The following THSD7B variants were observed in gnomAD, a reference collection of about 807,000 sequenced individuals.
THSD7B encodes thrombospondin type-1 domain-containing protein 7B.
In THSD7B, 138 loss-of-function variants were observed where a neutral mutation model predicts 213.6. The observed-to-expected ratio is 0.65, with a 90% CI of 0.56 to 0.74. THSD7B has a LOEUF of 0.74. Ranked by LOEUF, THSD7B falls within the 30% of genes least tolerant of loss-of-function variation. The probability of loss-of-function intolerance (pLI) is 0.00; values close to 1 mark genes in which losing one functional copy is unlikely to be tolerated. For missense variants in THSD7B, 1,931 were observed against 1,991.5 expected (o/e 0.97, Z 0.58); for synonymous variants, 742 against 687.0 (o/e 1.08, Z -1.25).
intron 15 of THSD7B, among the ~76,000 whole-genome samples, chr2:137,460,548 G>A (rs189292178): frequency 6.1e-4 from 93 of 152,228 alleles, no homozygotes; most frequent in African/African-American, 2.1e-3. Flanking sequence ...CAGATGAATA[G>A]TAAAAGCTGT....
intron 12 of THSD7B, among the ~76,000 whole-genome samples, chr2:137,339,582 G>A (rs569701714): frequency 1.3e-5 from 2 of 151,852 alleles, no homozygotes; most frequent in South Asian, 2.1e-4. Context: ...TAAGGCAGCT[G>A]TTGTTCATAA....
intron 15 of THSD7B, among the ~76,000 whole-genome samples, chr2:137,466,286 C>T (rs1257213375): frequency 6.6e-6 from 1 of 152,160 alleles, no homozygotes; most frequent in Non-Finnish European, 1.5e-5. Context: ...ATTCATCACA[C>T]ACTTATTTTA....
At chr2:137,244,839 G>A (rs1410612101) in intron 10 of THSD7B, among the ~76,000 whole-genome samples, 1 of 152,034 alleles carries the variant, frequency 6.6e-6, no homozygotes, top group Non-Finnish European at 1.5e-5. Context: ...AAGTAACTAT[G>A]GGTTAATTAC....
At chr2:137,563,405 AT>A (rs1161215451) in intron 16 of THSD7B, 51 bp downstream of exon 16, 14 of 1,599,004 alleles carry the variant, frequency 8.8e-6, no homozygotes, top group Non-Finnish European at 1.2e-5. Context: ...GAACTTATAC[AT>A]TTTTTATAAA....
intron 2 of THSD7B, among the ~76,000 whole-genome samples, chr2:136,887,300 T>TTGTGTGTGTGTGTGTGTGTGTG (rs3084772): frequency 4.0e-5 from 6 of 148,464 alleles, no homozygotes; most frequent in African/African-American, 1.5e-4. Context: ...TCCATATTTG[T>TTGTGTGTGTGTGTGTGTGTGTG]TGTGTGTGTG....
chr2:137,101,097 G>A (rs1304892577), intron 4 of THSD7B, among the ~76,000 whole-genome samples: 5 of 152,266 alleles, frequency 3.3e-5, no homozygotes, highest in East Asian at 1.9e-4. Context: ...ATGGAGTGGC[G>A]TGATCTCAGC....
rs533383904 is a variant in THSD7B, at chr2:136,863,772, T to C, written c.-35-18372T>C. 6.6e-5 allele frequency among the ~76,000 whole-genome samples: 10 copies of C among 152,252 alleles called. No individual in the cohort carries two copies. In the East Asian group the frequency reaches 9.6e-4, roughly 15 times the overall value. On this transcript the variant is annotated intron_variant, in intron 1 of 27. Coordinates refer to ENST00000409968, the MANE Select transcript of THSD7B (RefSeq NM_001316349.2). Reference sequence around the variant, plus strand: ...GATATTTCTGTGTTTGACTGTAAGCTTTCATTATTGAGCTTCAACAAAAAC... The same window carrying C: ...GATATTTCTGTGTTTGACTGTAAGCCTTCATTATTGAGCTTCAACAAAAAC...
intron 1 of THSD7B, among the ~76,000 whole-genome samples, chr2:136,816,427 T>C (rs1682475120): frequency 6.6e-6 from 1 of 152,212 alleles, no homozygotes; most frequent in African/African-American, 2.4e-5. Flanking sequence ...TTAATGCTAT[T>C]TTAAGGCTTT....
intron 1 of THSD7B, among the ~76,000 whole-genome samples, chr2:136,829,373 A>G (rs937083802): frequency 6.6e-6 from 1 of 151,880 alleles, no homozygotes; most frequent in Non-Finnish European, 1.5e-5. Context: ...GGGATAGATG[A>G]GAGGTGGGAG....
intron 1 of THSD7B, among the ~76,000 whole-genome samples, chr2:136,849,596 C>A (rs893886275): frequency 6.6e-6 from 1 of 152,038 alleles, no homozygotes; most frequent in African/African-American, 2.4e-5. Flanking sequence ...GTGAAACATG[C>A]AGGGGGTGGG....
intron 1 of THSD7B, among the ~76,000 whole-genome samples, chr2:136,808,535 G>C: frequency 6.6e-6 from 1 of 152,274 alleles, no homozygotes; most frequent in African/African-American, 2.4e-5. Context: ...TATTTATAAA[G>C]ACACTATGGT....
chr2:137,572,897 T>G (rs73958895), intron 17 of THSD7B, among the ~76,000 whole-genome samples: 35,654 of 151,854 alleles, frequency 0.23, 4,354 homozygotes, highest in South Asian at 0.35. Flanking sequence ...ATCTTGGTCC[T>G]GTTCCATTTT....
At chr2:137,088,564 C>T (rs979555189) in intron 3 of THSD7B, among the ~76,000 whole-genome samples, 5 of 150,680 alleles carry the variant, frequency 3.3e-5, no homozygotes, top group African/African-American at 7.3e-5. Context: ...TAGACATTGG[C>T]TTAGGCAAGG....
At chr2:137,661,801 C>A (rs151157441) in intron 25 of THSD7B, among the ~76,000 whole-genome samples, 6 of 152,066 alleles carry the variant, frequency 3.9e-5, no homozygotes, top group Non-Finnish European at 5.9e-5. Flanking sequence ...CCTTAGGGTG[C>A]GCCATCCACA....
chr2:137,565,006 C>T (rs975812124), intron 16 of THSD7B, among the ~76,000 whole-genome samples: 3 of 152,020 alleles, frequency 2.0e-5, no homozygotes, highest in Admixed American at 6.6e-5. Flanking sequence ...CTAATCCATT[C>T]TAACTGGTGG....
Position 137,563,337 on chromosome 2 carries a change from A to G in THSD7B, c.3255A>G (p.Thr1085=). ...GGTCCCTGCGCTGTGGAGGAGGAAC[A>G]CAATCTAGGAAAATCAGGTGTGTGA... ...ELRSLRCGGG[T]QSRKIRCVNT... is the part of the protein sequence containing the mutation. The change falls in exon 16 of 28, where the codon ACA becomes ACG. Residue 1085 remains threonine (T), a synonymous_variant. Coordinates refer to ENST00000409968, the MANE Select transcript of THSD7B (RefSeq NM_001316349.2). The G allele has an allele frequency of 6.2e-7, 1 of 1,613,238 alleles. No individual in the cohort carries two copies. The highest frequency in any genetic ancestry group is 2.2e-5 in the East Asian group (1 of 44,862).
chr2:137,490,515 C>T (rs1482583662), intron 15 of THSD7B, among the ~76,000 whole-genome samples: 2 of 152,022 alleles, frequency 1.3e-5, no homozygotes, highest in East Asian at 1.9e-4. Context: ...CAGAGATTTC[C>T]CATATAGCCT....
chr2:136,798,504 C>T (rs1682112206), intron 1 of THSD7B, among the ~76,000 whole-genome samples: 1 of 151,936 alleles, frequency 6.6e-6, no homozygotes, highest in South Asian at 2.1e-4. Context: ...CTTCACCTGT[C>T]AGACTGTTCT....
At chr2:137,167,366 A>G (rs1242773371) in intron 6 of THSD7B, among the ~76,000 whole-genome samples, 1 of 151,560 alleles carries the variant, frequency 6.6e-6, no homozygotes, top group Non-Finnish European at 1.5e-5. Flanking sequence ...CTGCCTGGCT[A>G]ATTTTTTTGT....
Sources: allele counts gnomAD v4.1 joint callset (sites outside exome capture counted in the v4.1 genomes callset), GRCh38; gene constraint gnomAD v4.1.1; transcripts MANE v1.5; gene names NCBI Gene and HGNC (gene_info 2026-07-23, HGNC 2026-07-21).